The following CTNNAL1 variants were observed in gnomAD, a reference collection of about 807,000 sequenced individuals.
The protein encoded by CTNNAL1 is catenin alpha like 1.
In CTNNAL1, 69 loss-of-function variants were observed where a neutral mutation model predicts 93.6. The ratio of observed to expected loss-of-function variants is 0.74; its 90% CI spans 0.61 to 0.90. The LOEUF is 0.90. Ranked by LOEUF, CTNNAL1 falls within the 40% of genes least tolerant of loss-of-function variation. The pLI is 0.00. For synonymous variants in CTNNAL1, 286 were observed against 305.4 expected (o/e 0.94, Z 0.66); for missense variants, 836 against 862.0 (o/e 0.97, Z 0.38).
intron 15 of CTNNAL1, among the ~76,000 whole-genome samples, chr9:108,945,614 A>G (rs1587939359): frequency 7.0e-6 from 1 of 142,944 alleles, no homozygotes; most frequent in African/African-American, 2.6e-5. Context: ...GGTGTGTGCC[A>G]CCATGCCCCG....
At chr9:108,978,635 T>A (rs767527779) in intron 7 of CTNNAL1, among the ~76,000 whole-genome samples, 1 of 152,234 alleles carries the variant, frequency 6.6e-6, no homozygotes, top group Non-Finnish European at 1.5e-5. Context: ...TTCCTGTCTG[T>A]CCCACTTCTG....
intron 8 of CTNNAL1, 31 bp from the exon 9 acceptor site, chr9:108,972,864 G>GGGGTGCC: frequency 7.0e-6 from 1 of 142,590 alleles, no homozygotes; most frequent in Non-Finnish European, 1.0e-5. Context: ...GGGGGGGTGG[G>GGGGTGCC]AGGGTGGAGA....
chr9:108,994,645 G>T lies in CTNNAL1; in HGVS notation c.332-1826C>A, dbSNP rs544973326. On this transcript the variant is annotated intron_variant, in intron 2 of 18. Transcript: ENST00000325551. ...CAATAGCTGAAGCTCTACAGATAGAGGAATTCTGTGGTAGCCAGCCTTCAA... is the reference window on the plus strand; with the variant it reads ...CAATAGCTGAAGCTCTACAGATAGATGAATTCTGTGGTAGCCAGCCTTCAA... Among the ~76,000 whole-genome samples, 5 of 152,282 alleles carry T rather than the reference G, an allele frequency of 3.3e-5. No homozygotes were observed. The South Asian group carries it at 1.0e-3, about 32-fold the overall frequency.
At chr9:108,996,529 G>A (rs1218685007) in intron 2 of CTNNAL1, among the ~76,000 whole-genome samples, 2 of 152,082 alleles carry the variant, frequency 1.3e-5, no homozygotes, top group South Asian at 2.1e-4. Context: ...AAAATACTCC[G>A]TTTATGGAGC....
At chr9:108,949,793 G>A (rs773834620) in intron 14 of CTNNAL1, among the ~76,000 whole-genome samples, 1 of 152,158 alleles carries the variant, frequency 6.6e-6, no homozygotes, top group Non-Finnish European at 1.5e-5. Context: ...GCAGTGAGCC[G>A]AGATTGCACC....
intron 2 of CTNNAL1, among the ~76,000 whole-genome samples, chr9:108,995,352 G>A (rs1174962036): frequency 1.3e-5 from 2 of 152,112 alleles, no homozygotes; most frequent in Non-Finnish European, 2.9e-5. Flanking sequence ...CAAAGGATAC[G>A]ACATATAAGC....
intron 1 of CTNNAL1, among the ~76,000 whole-genome samples, chr9:108,999,683 T>C (rs1408493909): frequency 6.6e-6 from 1 of 152,366 alleles, no homozygotes; most frequent in Non-Finnish European, 1.5e-5. Context: ...TTGCCTACCA[T>C]GGAGCACAGG....
intron 11 of CTNNAL1, among the ~76,000 whole-genome samples, chr9:108,962,012 T>C (rs572619312): frequency 6.6e-6 from 1 of 152,308 alleles, no homozygotes; most frequent in African/African-American, 2.4e-5. Flanking sequence ...ACTTTAGGAT[T>C]GGAGTGGAGT....
intron 1 of CTNNAL1, 43 bp downstream of exon 1, chr9:109,013,259 G>A: frequency 7.0e-7 from 1 of 1,434,388 alleles, no homozygotes; most frequent in South Asian, 1.4e-5. Flanking sequence ...ATCGCGGGCC[G>A]CGGCGGGAAG....
intron 1 of CTNNAL1, among the ~76,000 whole-genome samples, chr9:109,010,931 C>T (rs914665500): frequency 1.3e-5 from 2 of 152,212 alleles, no homozygotes; most frequent in African/African-American, 4.8e-5. Context: ...TGACACTTTG[C>T]ATGTGCTGTT....
Position 109,013,386 on chromosome 9 carries a change from GGAGCC to G in CTNNAL1, c.52_56del (p.Gly18ArgfsTer34). 4.0e-6 allele frequency: 6 copies of G among 1,512,348 alleles called. No homozygotes were observed. Among genetic ancestry groups the G allele is most frequent in the Non-Finnish European group, 4.4e-6 (5 of 1,130,366 alleles). 93.7% of individuals were successfully genotyped at this position (1,512,348 alleles called of 1,614,324 possible). A position where few individuals can be genotyped will look rare whatever the true frequency, so the allele number is the denominator to read the frequency against. On this transcript the variant is annotated frameshift_variant, in exon 1 of 19. Transcript: ENST00000325551. LOFTEE classifies it high-confidence loss of function. ...AGTCGAGGGCGAAGCCCGAAGAGCC[GGAGCC>G]GTAGACTGCTCCGGCGCCGCCAACG... is the stretch of plus-strand genomic sequence containing the variant.
chr9:108,966,058 A>G (rs1246343682), intron 10 of CTNNAL1, among the ~76,000 whole-genome samples: 1 of 152,194 alleles, frequency 6.6e-6, no homozygotes, highest in Non-Finnish European at 1.5e-5. Context: ...CAAATAAAAT[A>G]CTACTTTTTC....
At chr9:108,966,443 C>T (rs1830955771) in intron 10 of CTNNAL1, among the ~76,000 whole-genome samples, 1 of 152,208 alleles carries the variant, frequency 6.6e-6, no homozygotes, top group South Asian at 2.1e-4. Context: ...TCTGTCCCCA[C>T]TTGAATGTGG....
chr9:108,993,265 G>A (rs1831884504), intron 2 of CTNNAL1, among the ~76,000 whole-genome samples: 1 of 152,296 alleles, frequency 6.6e-6, no homozygotes, highest in East Asian at 1.9e-4. Context: ...ACGGCCTTGG[G>A]TTTTCACCCT....
chr9:109,011,598 T>C (rs1209486899), intron 1 of CTNNAL1, among the ~76,000 whole-genome samples: 1 of 152,216 alleles, frequency 6.6e-6, no homozygotes, highest in Non-Finnish European at 1.5e-5. Flanking sequence ...CTATGTACCA[T>C]CTTTTTCTCT....
At chr9:109,009,800 A>C in intron 1 of CTNNAL1, among the ~76,000 whole-genome samples, 1 of 152,206 alleles carries the variant, frequency 6.6e-6, no homozygotes, top group East Asian at 1.9e-4. Flanking sequence ...TAATATGTCA[A>C]CCTAGGCTTG....
In CTNNAL1 at chr9:109,013,291, C is replaced by T. The variant is rs1417213747; in HGVS notation, c.141+11G>A. The stretch of plus-strand genomic sequence containing the variant: ...GAAGGAGAAGAGGGGCCGCGCCAGG[C>T]GCCACTTTACCTGAGAAACCAGCGG... On this transcript the variant is annotated intron_variant, in intron 1 of 18. Transcript: ENST00000325551. 1 of 1,485,308 alleles carries T rather than the reference C, an allele frequency of 6.7e-7. No homozygotes were observed. Among genetic ancestry groups the T allele is most frequent in the African/African-American group, 1.5e-5 (1 of 67,532 alleles). The allele number at this position is 1,485,308 out of a possible 1,614,324, so 92.0% of individuals were successfully genotyped here. A position where few individuals can be genotyped will look rare whatever the true frequency, so the allele number is the denominator to read the frequency against.
chr9:109,009,070 A>AT lies in CTNNAL1; in HGVS notation c.141+4231dup, dbSNP rs529476290. Among the ~76,000 whole-genome samples the AT allele has an allele frequency of 3.4e-3, 507 of 151,270 alleles. 5 individuals carry two copies. Among genetic ancestry groups the AT allele is most frequent in the African/African-American group, 0.011 (471 of 41,280 alleles). ...CCATCACACCCGACTAATTTTTTGT[A>AT]TTTTTTGTAGAGACGGGGTTTCACC... is the stretch of plus-strand genomic sequence containing the variant. On this transcript the variant is annotated intron_variant, in intron 1 of 18. Transcript: ENST00000325551.
At chr9:108,987,995 C>G (rs1831669213) in intron 4 of CTNNAL1, among the ~76,000 whole-genome samples, 1 of 152,196 alleles carries the variant, frequency 6.6e-6, no homozygotes, top group South Asian at 2.1e-4. Context: ...TTGACTTCCT[C>G]TTTTCCTAAT....
Sources: gnomAD v4.1 joint callset for allele counts (sites outside exome capture counted in the v4.1 genomes callset) on GRCh38, gnomAD v4.1.1 for gene constraint, MANE v1.5 for transcripts, NCBI Gene and HGNC (gene_info 2026-07-23, HGNC 2026-07-21) for gene names.